LRP5: variants seen among roughly 807,000 people sequenced by gnomAD.
LRP5 encodes LDL receptor related protein 5, also known as low-density lipoprotein receptor-related protein 5.
LRP5 carries 62 observed loss-of-function variants against 154.1 expected under a neutral mutation model. The observed-to-expected ratio is 0.40, with a 90% confidence interval of 0.33 to 0.50. The LOEUF is 0.50. LRP5 is among the 20% of genes least tolerant of loss of function. The probability of loss-of-function intolerance (pLI) is 0.55; values close to 1 mark genes in which losing one functional copy is unlikely to be tolerated. For synonymous variants in LRP5, 966 were observed against 1,011.5 expected (o/e 0.96, Z 0.85); for missense variants, 1,915 against 2,336.7 (o/e 0.82, Z 3.72).
At chr11:68,324,664 G>A (rs1056192393) in intron 1 of LRP5, among the ~76,000 whole-genome samples, 3 of 152,238 alleles carry the variant, frequency 2.0e-5, no homozygotes, top group Non-Finnish European at 4.4e-5. Flanking sequence ...AGGAAATGAC[G>A]TTTATTAAGC....
chr11:68,380,335 G>A (rs996786512), intron 5 of LRP5, among the ~76,000 whole-genome samples: 2 of 152,196 alleles, frequency 1.3e-5, no homozygotes, highest in Non-Finnish European at 2.9e-5. Flanking sequence ...ATGAAGTTTT[G>A]TTTGCTCCCA....
At chr11:68,342,501 C>T (rs534744003) in intron 1 of LRP5, among the ~76,000 whole-genome samples, 8 of 152,314 alleles carry the variant, frequency 5.3e-5, no homozygotes, top group African/African-American at 1.9e-4. Flanking sequence ...CAGAGCTCTC[C>T]CATTTGCTGT....
chr11:68,316,056 A>C (rs1388471363), intron 1 of LRP5, among the ~76,000 whole-genome samples: 3 of 152,088 alleles, frequency 2.0e-5, no homozygotes, highest in Non-Finnish European at 4.4e-5. Flanking sequence ...GATTTCCATC[A>C]CCCCAAAATA....
rs1322619561 is a variant in LRP5 at position 68,433,767 on chromosome 11, G to A, written c.3929G>A (p.Cys1310Tyr). The change falls in exon 18 of 23, where the codon TGT becomes TAT. Residue 1310 changes from cysteine (C) to tyrosine (Y), a missense_variant. Cys to Tyr is a radical substitution (Grantham distance 194). Around this residue, in one of 3 missense-constraint regions of LRP5, gnomAD observed 1,094 missense variants for 1,210.1 expected, o/e 0.90. Transcript: ENST00000294304. Reference protein sequence around the residue: ...AAQFPCARGQCVDLRLRCDGE... With the variant: ...AAQFPCARGQYVDLRLRCDGE... The stretch of plus-strand genomic sequence containing the variant: ...CAGTTCCCCTGCGCGCGGGGTCAGT[G>A]TGTGGACCTGCGCCTGCGCTGCGAC... The A allele has an allele frequency of 1.2e-6, 2 of 1,612,662 alleles. No homozygotes were observed. Among genetic ancestry groups the A allele is most frequent in the Non-Finnish European group, 8.5e-7 (1 of 1,179,796 alleles).
intron 3 of LRP5, among the ~76,000 whole-genome samples, chr11:68,360,513 G>T (rs1238118889): frequency 2.6e-5 from 4 of 152,240 alleles, no homozygotes; most frequent in African/African-American, 9.6e-5. Flanking sequence ...TGCACCTGGG[G>T]CTATTCACAT....
chr11:68,419,220 C>G lies in LRP5; in HGVS notation c.3027+2693C>G, dbSNP rs954872727. 1.8e-4 allele frequency among the ~76,000 whole-genome samples: 28 copies of G among 152,110 alleles called. No homozygotes were observed. The East Asian group carries it at 2.1e-3, about 12-fold the overall frequency. On this transcript the variant is annotated intron_variant, in intron 13 of 22. Coordinates refer to ENST00000294304, the MANE Select transcript of LRP5 (RefSeq NM_002335.4). Reference sequence around the variant, plus strand: ...GTAAATATATATAACATAAAATTTGCCATTTTAATTGTTTTGTTATTGTTG... The same window carrying G: ...GTAAATATATATAACATAAAATTTGGCATTTTAATTGTTTTGTTATTGTTG...
intron 5 of LRP5, among the ~76,000 whole-genome samples, chr11:68,385,114 G>A (rs2098642286): frequency 6.6e-6 from 1 of 152,206 alleles, no homozygotes; most frequent in Non-Finnish European, 1.5e-5. Context: ...GGCAAATCCT[G>A]CCCTCAGCTA....
intron 4 of LRP5, among the ~76,000 whole-genome samples, chr11:68,364,474 G>A (rs1455192343): frequency 1.3e-5 from 2 of 151,908 alleles, no homozygotes; most frequent in Non-Finnish European, 2.9e-5. Context: ...CTCACACCTT[G>A]ACTTCCCAAA....
chr11:68,340,946 G>A (rs2098608593), intron 1 of LRP5, among the ~76,000 whole-genome samples: 1 of 151,732 alleles, frequency 6.6e-6, no homozygotes, highest in Non-Finnish European at 1.5e-5. Flanking sequence ...TGTGGTTTTT[G>A]GTGTTGACAT....
intron 7 of LRP5, among the ~76,000 whole-genome samples, chr11:68,396,023 G>A (rs1013350872): frequency 3.3e-5 from 5 of 152,052 alleles, no homozygotes; most frequent in Non-Finnish European, 5.9e-5. Context: ...CTGCAGGCTC[G>A]TTCAGGAAAC....
intron 7 of LRP5, among the ~76,000 whole-genome samples, chr11:68,396,632 C>T (rs908186871): frequency 2.2e-4 from 33 of 152,172 alleles, no homozygotes; most frequent in Admixed American, 2.2e-3. Context: ...GCGGAGACGG[C>T]GGATGGGTCT....
At chr11:68,434,505 G>A (rs561230139) in intron 18 of LRP5, among the ~76,000 whole-genome samples, 8 of 152,074 alleles carry the variant, frequency 5.3e-5, no homozygotes, top group African/African-American at 1.4e-4. Flanking sequence ...TCAGCCTCCC[G>A]AGTAGCTGGG....
At position 68,439,877 on chromosome 11, in the gene LRP5, C is replaced by T; in HGVS notation, c.4449C>T (p.Ser1483=). 6.3e-7 allele frequency: 1 copy of T among 1,590,788 alleles called. No homozygotes were observed. Among genetic ancestry groups the T allele is most frequent in the Non-Finnish European group, 8.5e-7 (1 of 1,171,280 alleles). Residue 1483 remains serine, a synonymous_variant, in exon 21 of 23, where the codon TCC becomes TCT. Coordinates refer to ENST00000294304, the MANE Select transcript of LRP5 (RefSeq NM_002335.4). ...YDRNHVTGAS[S]SSSSSTKATL... ...GGAACCACGTCACAGGGGCCTCGTC[C>T]AGCAGCTCGTCCAGCACGAAGGCCA...
At chr11:68,346,937 A>G (rs768806611) in intron 1 of LRP5, among the ~76,000 whole-genome samples, 9 of 152,088 alleles carry the variant, frequency 5.9e-5, no homozygotes, top group Non-Finnish European at 1.0e-4. Context: ...GCCTCTCCTG[A>G]TTTCTCATTG....
chr11:68,420,989 G>A (rs1365480122), intron 13 of LRP5, among the ~76,000 whole-genome samples: 2 of 152,184 alleles, frequency 1.3e-5, no homozygotes, highest in African/African-American at 4.8e-5. Flanking sequence ...CACTTTGGGA[G>A]GCCAGGGCGG....
rs146197385 is a variant in LRP5, at chr11:68,369,798, C to T, written c.1015+4096C>T. 5.5e-4 allele frequency among the ~76,000 whole-genome samples: 84 copies of T among 152,164 alleles called. 1 individual carries two copies. Among genetic ancestry groups the T allele is most frequent in the African/African-American group, 2.0e-3 (81 of 41,516 alleles). ...TCCCAGACTCATGGCTCAGTGAAGT[C>T]GCACAGCTGGACAAGCTTGGAGACC... is the stretch of plus-strand genomic sequence containing the variant. On this transcript the variant is annotated intron_variant, in intron 5 of 22. Transcript: ENST00000294304.
chr11:68,359,433 G>A (rs1456935176), intron 3 of LRP5, among the ~76,000 whole-genome samples: 3 of 152,154 alleles, frequency 2.0e-5, no homozygotes, highest in Non-Finnish European at 4.4e-5. Context: ...GTGGTTCTTG[G>A]GAGCTGAGTG....
chr11:68,341,655 C>A (rs1447960409), intron 1 of LRP5, among the ~76,000 whole-genome samples: 1 of 152,112 alleles, frequency 6.6e-6, no homozygotes, highest in African/African-American at 2.4e-5. Flanking sequence ...CATGCTACCC[C>A]CACACTCTGC....
chr11:68,312,442 AC>A (rs920653824), upstream of LRP5, among the ~76,000 whole-genome samples: 3 of 147,938 alleles, frequency 2.0e-5, no homozygotes, highest in African/African-American at 7.4e-5. Context: ...GGCCGCGGGG[AC>A]CTGCGCCGCT....
Sources: allele counts gnomAD v4.1 joint callset (sites outside exome capture counted in the v4.1 genomes callset), GRCh38; gene constraint gnomAD v4.1.1; regional missense constraint gnomAD v4.1.1; transcripts MANE v1.5; gene names NCBI Gene and HGNC (gene_info 2026-07-23, HGNC 2026-07-21).